Variants in CIZ1 observed in about 807,000 individuals in gnomAD.
CIZ1 encodes the protein CDKN1A interacting zinc finger protein 1, also known as cip1-interacting zinc finger protein.
A neutral mutation model predicts 118.6 loss-of-function variants in CIZ1; 58 were observed. The ratio of observed to expected loss-of-function variants is 0.49; its 90% CI spans 0.40 to 0.61. The LOEUF (loss-of-function observed/expected upper bound fraction) is 0.61, where lower values mean the gene tolerates loss of function less well. Ranked by LOEUF, CIZ1 falls within the 20% of genes least tolerant of loss-of-function variation. CIZ1 has a pLI of 0.00. For synonymous variants in CIZ1, 448 were observed against 443.4 expected (o/e 1.01, Z -0.13); for missense variants, 921 against 1,115.9 (o/e 0.83, Z 2.49).
At chr9:128,185,461 A>G in intron 5 of CIZ1, 86 bp downstream of exon 5, 1 of 828,786 alleles carries the variant, frequency 1.2e-6, no homozygotes, top group Non-Finnish European at 1.9e-6. Flanking sequence ...ACCTGTCCGA[A>G]GGCCCAGACT....
At position 128,190,460 on chromosome 9, in the gene CIZ1, G is replaced by T. The variant is rs773212648; in HGVS notation, c.171-16C>A. 6.4e-7 allele frequency: 1 copy of T among 1,569,762 alleles called. No individual in the cohort carries two copies. The highest frequency in any genetic ancestry group is 8.7e-7 in the Non-Finnish European group (1 of 1,144,758). On this transcript the variant is annotated splice_polypyrimidine_tract_variant and intron_variant, in intron 2 of 16. Coordinates refer to ENST00000372938, the MANE Select transcript of CIZ1 (RefSeq NM_001131016.2). ...GGGGAGCCCCCTGTGTGTTGGGAGG[G>T]GGTGTCAGAGGGTTATTTGGAAAGT... is the stretch of plus-strand genomic sequence containing the variant.
At chr9:128,202,552 G>C (rs1396179293) in intron 1 of CIZ1, among the ~76,000 whole-genome samples, 2 of 152,024 alleles carry the variant, frequency 1.3e-5, no homozygotes, top group Non-Finnish European at 2.9e-5. Flanking sequence ...ATTCAGCCTG[G>C]CATGCTCTTC....
In CIZ1 at chr9:128,178,836, T is replaced by A. The variant is rs1833489973; in HGVS notation, c.1371A>T (p.Pro457=). 1 of 1,614,074 alleles carries A rather than the reference T, an allele frequency of 6.2e-7. No homozygotes were observed. Among genetic ancestry groups the A allele is most frequent in the South Asian group, 1.1e-5 (1 of 91,086 alleles). Residue 457 remains proline (P), a synonymous_variant, in exon 8 of 17, where the codon CCA becomes CCT. Transcript: ENST00000372938. ...GAGGCTGCTCATGGGTCTGCTCTGG[T>A]GGCTGTACTGACACCTGCGCTGGAG... The part of the protein sequence containing the change: ...EHPPAQVSVQ[P]PEQTHEQPHT...
At chr9:128,178,322 G>T in intron 9 of CIZ1, 47 bp downstream of exon 9, 1 of 1,584,416 alleles carries the variant, frequency 6.3e-7, no homozygotes. Context: ...ATCCCACCCT[G>T]CTGGGCTCTG....
In CIZ1 at chr9:128,203,836, ACGT is replaced by A. The variant is rs1833665711; in HGVS notation, c.-6+347_-6+349del. 1.4e-5 allele frequency among the ~76,000 whole-genome samples: 2 copies of A among 145,474 alleles called. No individual in the cohort carries two copies. The highest frequency in any genetic ancestry group is 3.0e-5 in the Non-Finnish European group (2 of 66,690). ...AGCAGCGCCCCCCGCTAGTCTGCAA[ACGT>A]CGTCAAGCCTCCGGCTACCGAATCA... On this transcript the variant is annotated intron_variant, in intron 1 of 17. Transcript: ENST00000372948. The surrounding 1 kb of genome is among the most constrained non-coding windows in gnomAD (Gnocchi z 5.3).
rs1483504558 is a variant in CIZ1 at position 128,169,533 on chromosome 9, G to A, written c.2032-14C>T. ...TTGTTTGGCAATCTGGAAAAAGGCA[G>A]GCCAACCAAGCAGTGTCCCCAGCTG... On this transcript the variant is annotated splice_polypyrimidine_tract_variant and intron_variant, in intron 12 of 16. Transcript: ENST00000372938. The A allele has an allele frequency of 1.9e-6, 3 of 1,613,200 alleles. No individual in the cohort carries two copies. Among genetic ancestry groups the A allele is most frequent in the African/African-American group, 2.7e-5 (2 of 74,906 alleles).
chr9:128,181,165 G>A (rs1292306596), intron 5 of CIZ1, among the ~76,000 whole-genome samples: 2 of 151,954 alleles, frequency 1.3e-5, no homozygotes, highest in Non-Finnish European at 2.9e-5. Flanking sequence ...GCCTAGGCTG[G>A]AGTGCAATAG....
chr9:128,180,789 A>G lies in CIZ1; in HGVS notation c.614T>C (p.Val205Ala). 1.2e-6 allele frequency: 2 copies of G among 1,611,574 alleles called. No individual in the cohort carries two copies. The highest frequency in any genetic ancestry group is 1.7e-6 in the Non-Finnish European group (2 of 1,179,182). Residue 205 changes from valine to alanine, a missense_variant, in exon 6 of 17, where the codon GTG becomes GCG. Val to Ala is a moderately conservative substitution (Grantham distance 64). Transcript: ENST00000372938. ...RKDSSSQTMP[V>A]EDKSDPPEGS... is the part of the protein sequence containing the mutation. ...CTCTGGGGGGTCTGACTTGTCTTCCACAGGCATTGTCTGAGAAGAAGAATC... is the reference window on the plus strand; with the variant it reads ...CTCTGGGGGGTCTGACTTGTCTTCCGCAGGCATTGTCTGAGAAGAAGAATC...
At position 128,169,252 on chromosome 9, in the gene CIZ1, G is replaced by A. The variant is rs370354517; in HGVS notation, c.2146-51C>T. The stretch of plus-strand genomic sequence containing the variant: ...CAGGTCAGCTCTGAACAGCCAGGGG[G>A]CCATGCCCTACCCACCCCACCCCTC... On this transcript the variant is annotated intron_variant, in intron 13 of 16. Transcript: ENST00000372938. 7 of 1,578,004 alleles carry A rather than the reference G, an allele frequency of 4.4e-6. No individual in the cohort carries two copies. In the African/African-American group the frequency reaches 5.4e-5, roughly 12 times the overall value.
rs770554662 is a variant in CIZ1 at position 128,178,792 on chromosome 9, G to A, written c.1415C>T (p.Ser472Leu). The A allele has an allele frequency of 8.7e-6, 14 of 1,614,148 alleles. No homozygotes were observed. Among genetic ancestry groups the A allele is most frequent in the East Asian group, 2.2e-5 (1 of 44,902 alleles). The change falls in exon 8 of 17, where the codon TCG becomes TTG. Residue 472 changes from serine to leucine, a missense_variant. Coordinates refer to ENST00000372938, the MANE Select transcript of CIZ1 (RefSeq NM_001131016.2). Reference protein sequence around the residue: ...HEQPHTQPQVSLLAPEQTPVV... With the variant: ...HEQPHTQPQVLLLAPEQTPVV... ...TGGTGTTTGCTCTGGAGCCAGCAAC[G>A]ACACCTGCGGCTGGGTGTGAGGCTG...
chr9:128,172,269 G>T (rs1484688457), intron 11 of CIZ1, among the ~76,000 whole-genome samples: 1 of 152,090 alleles, frequency 6.6e-6, no homozygotes, highest in Non-Finnish European at 1.5e-5. Flanking sequence ...AAGGCAGGCG[G>T]ATCACTGAGG....
intron 5 of CIZ1, among the ~76,000 whole-genome samples, chr9:128,183,170 G>A (rs916597431): frequency 6.6e-6 from 1 of 152,166 alleles, no homozygotes; most frequent in African/African-American, 2.4e-5. Flanking sequence ...CCCAAGGAAT[G>A]AGCACTGAGC....
At chr9:128,196,629 G>C (rs911364402), upstream of CIZ1, among the ~76,000 whole-genome samples, 1 of 152,060 alleles carries the variant, frequency 6.6e-6, no homozygotes, top group East Asian at 1.9e-4. Context: ...ATTTGAGACA[G>C]AGTCTCGCTC....
At position 128,203,568 on chromosome 9, in the gene CIZ1, A is replaced by G. The variant is rs752123322; in HGVS notation, c.-6+618T>C. 1.3e-6 allele frequency: 2 copies of G among 1,551,446 alleles called. No individual in the cohort carries two copies. The highest frequency in any genetic ancestry group is 1.7e-6 in the Non-Finnish European group (2 of 1,152,208). ...CAGAACGCGGACCTCGACCTGCCGC[A>G]GATCGCTGTGGTGGGCGGCCAGAGC... On this transcript the variant is annotated intron_variant, in intron 1 of 17. Coordinates refer to the CIZ1 transcript ENST00000372948. This position sits in a 1 kb window ranked among gnomAD's most constrained non-coding sequence, Gnocchi z 5.3.
At chr9:128,167,276 T>C (rs996808434) in intron 14 of CIZ1, 112 bp from the exon 15 acceptor site, 2 of 781,662 alleles carry the variant, frequency 2.6e-6, no homozygotes, top group Non-Finnish European at 4.0e-6. Context: ...ATCCCCTTGA[T>C]TTCCAGGAGG....
In CIZ1 at chr9:128,178,422, C is replaced by A; in HGVS notation, c.1567G>T (p.Ala523Ser). 4 of 1,614,128 alleles carry A rather than the reference C, an allele frequency of 2.5e-6. No homozygotes were observed. Among genetic ancestry groups the A allele is most frequent in the South Asian group, 1.1e-5 (1 of 91,082 alleles). The change falls in exon 9 of 17, where the codon GCC becomes TCC. Residue 523 changes from alanine (A) to serine (S), a missense_variant. Physicochemically the swap from Ala to Ser is moderately conservative, Grantham distance 99. Coordinates refer to ENST00000372938, the MANE Select transcript of CIZ1 (RefSeq NM_001131016.2). Reference protein sequence around the residue: ...VSMEEIQNESACGLDVGECEN... With the variant: ...VSMEEIQNESSCGLDVGECEN... ...CATTCTCCCACATCTAGGCCACAGG[C>A]CGACTCATTCTGAATCTCTTCCATG...
Position 128,178,403 on chromosome 9 carries a change from C to T in CIZ1, c.1586G>A (p.Gly529Glu), listed in dbSNP as rs773847029. 9 of 1,613,824 alleles carry T rather than the reference C, an allele frequency of 5.6e-6. No homozygotes were observed. The Admixed American group carries it at 1.0e-4, about 18-fold the overall frequency. ...QNESACGLDV[G>E]ECENRAREMP... ...CTCTCTCGCTCTGTTTTCACATTCT[C>T]CCACATCTAGGCCACAGGCCGACTC... Residue 529 changes from glycine (G) to glutamate (E), a missense_variant, in exon 9 of 17, where the codon GGA (glycine) becomes GAA (glutamate). Transcript: ENST00000372938.
At chr9:128,190,922 T>A in intron 1 of CIZ1, 60 bp from the exon 2 acceptor site, 1 of 1,475,342 alleles carries the variant, frequency 6.8e-7, no homozygotes. Context: ...CCTGCTCCCC[T>A]CCCATCCACC....
At chr9:128,194,461 G>A (rs1267444927), upstream of CIZ1, among the ~76,000 whole-genome samples, 2 of 151,134 alleles carry the variant, frequency 1.3e-5, no homozygotes, top group Non-Finnish European at 2.9e-5. Flanking sequence ...TCAGAAATGA[G>A]ACTTTTACAA....
Sources: gnomAD v4.1 joint callset for allele counts (sites outside exome capture counted in the v4.1 genomes callset) on GRCh38, gnomAD v4.1.1 for gene constraint, Gnocchi (gnomAD v3.1) non-coding constraint, MANE v1.5 for transcripts, NCBI Gene and HGNC (gene_info 2026-07-23, HGNC 2026-07-21) for gene names.